Variants in ERC1 observed in about 807,000 individuals in gnomAD.
ERC1 encodes ELKS/RAB6-interacting/CAST family member 1, also known as RAB6 interacting protein 2.
Under a neutral mutation model 132.0 loss-of-function variants are expected in ERC1, and 56 were observed. The ratio of observed to expected loss-of-function variants is 0.42; its 90% CI spans 0.34 to 0.53. The LOEUF (loss-of-function observed/expected upper bound fraction) is 0.53, where lower values mean the gene tolerates loss of function less well. Ranked by LOEUF, ERC1 falls within the 20% of genes least tolerant of loss-of-function variation. ERC1 has a pLI of 0.03. For missense variants in ERC1, 1,202 were observed against 1,349.9 expected (o/e 0.89, Z 1.72); for synonymous variants, 478 against 476.1 (o/e 1.00, Z -0.05).
chr12:1,207,800 A>G (rs2039310690), intron 12 of ERC1, among the ~76,000 whole-genome samples: 1 of 152,242 alleles, frequency 6.6e-6, no homozygotes, highest in South Asian at 2.1e-4. Context: ...TGGCAAATTC[A>G]ACAGAGAAGG....
In ERC1 at chr12:1,494,337, G is replaced by C. The variant is rs1371839573; in HGVS notation, c.*4107G>C. On this transcript the variant is annotated 3_prime_UTR_variant, in exon 19 of 19. Transcript: ENST00000360905. ...GGGGACGTGAACCACTCAAAGGAAT[G>C]TCTTAAAGAGGATCTGGAGTTTCCC... The C allele has an allele frequency of 4.3e-6, 1 of 231,450 alleles. No homozygotes were observed. The highest frequency in any genetic ancestry group is 2.2e-5 in the African/African-American group (1 of 45,214). 14.3% of individuals were successfully genotyped at this position (231,450 alleles called of 1,614,324 possible).
chr12:1,175,030 A>C (rs1953535468), intron 8 of ERC1, among the ~76,000 whole-genome samples: 1 of 152,272 alleles, frequency 6.6e-6, no homozygotes, highest in African/African-American at 2.4e-5. Context: ...TAGTTTATTA[A>C]GTATGCAATA....
At chr12:1,164,593 G>C (rs930315277) in intron 8 of ERC1, among the ~76,000 whole-genome samples, 4 of 152,144 alleles carry the variant, frequency 2.6e-5, no homozygotes, top group African/African-American at 9.7e-5. Context: ...GCCCACCTCA[G>C]CCTCCCAAAG....
intron 2 of ERC1, among the ~76,000 whole-genome samples, chr12:1,037,129 C>T (rs990309105): frequency 1.3e-5 from 2 of 152,106 alleles, no homozygotes; most frequent in Non-Finnish European, 2.9e-5. Context: ...AATAATTAAG[C>T]AGAGCTAATA....
chr12:1,409,262 G>C (rs2091700370), intron 17 of ERC1, among the ~76,000 whole-genome samples: 1 of 152,190 alleles, frequency 6.6e-6, no homozygotes, highest in Non-Finnish European at 1.5e-5. Flanking sequence ...AAAATGGAGA[G>C]CTATCTGCCT....
At chr12:1,056,353 T>C (rs1022577032) in intron 2 of ERC1, among the ~76,000 whole-genome samples, 1 of 151,938 alleles carries the variant, frequency 6.6e-6, no homozygotes, top group Non-Finnish European at 1.5e-5. Flanking sequence ...CATGGAAAAC[T>C]AGGACGCAGA....
chr12:1,463,731 G>C (rs934646337), intron 18 of ERC1, among the ~76,000 whole-genome samples: 8 of 150,576 alleles, frequency 5.3e-5, no homozygotes, highest in Non-Finnish European at 1.0e-4. Flanking sequence ...GTGTGTGTGT[G>C]TCTTGACAAA....
chr12:1,030,885 T>G (rs1967899151), intron 2 of ERC1, among the ~76,000 whole-genome samples: 2 of 152,234 alleles, frequency 1.3e-5, no homozygotes, highest in Non-Finnish European at 2.9e-5. Context: ...CAGTAGGCTA[T>G]ATCCTATATC....
intron 14 of ERC1, among the ~76,000 whole-genome samples, chr12:1,275,686 G>T (rs895421640): frequency 6.6e-6 from 1 of 152,104 alleles, no homozygotes; most frequent in Admixed American, 6.6e-5. Flanking sequence ...TTATCACGAG[G>T]ATCTTTAAGT....
At chr12:1,135,418 AAAG>A (rs1175171904) in intron 7 of ERC1, among the ~76,000 whole-genome samples, 8 of 152,156 alleles carry the variant, frequency 5.3e-5, no homozygotes, top group African/African-American at 1.9e-4. Flanking sequence ...ATGAATTTGA[AAAG>A]AAGTTTGTTG....
chr12:1,222,225 T>TG (rs112132035), intron 12 of ERC1, among the ~76,000 whole-genome samples: 1 of 50,626 alleles, frequency 2.0e-5, no homozygotes. Context: ...ACATATTCTC[T>TG]TTTTTTTTTT....
intron 7 of ERC1, among the ~76,000 whole-genome samples, chr12:1,139,873 A>G (rs996365266): frequency 2.0e-4 from 31 of 152,290 alleles, no homozygotes; most frequent in South Asian, 4.1e-4. Flanking sequence ...TAGGAGGAAG[A>G]AAAGAACAGT....
chr12:1,062,225 T>C lies in ERC1; in HGVS notation c.670-20939T>C, dbSNP rs540604602. ...GTCTTGATCTCCAGACCTCGTGATC[T>C]GCCCGCCTCGGCCCCCGAAGTGCTG... On this transcript the variant is annotated intron_variant, in intron 2 of 18. Coordinates refer to ENST00000360905, the MANE Select transcript of ERC1 (RefSeq NM_178040.4). Among the ~76,000 whole-genome samples the C allele has an allele frequency of 5.0e-3, 760 of 152,206 alleles. 10 individuals are homozygous for C. Among genetic ancestry groups the C allele is most frequent in the African/African-American group, 0.018 (732 of 41,546 alleles).
intron 15 of ERC1, among the ~76,000 whole-genome samples, chr12:1,312,638 C>T (rs1213728679): frequency 3.3e-5 from 5 of 152,154 alleles, no homozygotes; most frequent in Non-Finnish European, 5.9e-5. Context: ...GTATCACAGG[C>T]GTGAACCACC....
chr12:1,386,651 C>CACAAAAAA (rs550525000), intron 16 of ERC1: 1 of 75,740 alleles, frequency 1.3e-5, no homozygotes, highest in Non-Finnish European at 2.3e-5. Context: ...GACTTCGTCT[C>CACAAAAAA]AAAAAAAAAA....
chr12:1,428,553 C>A (rs549119555), intron 17 of ERC1, among the ~76,000 whole-genome samples: 35 of 152,178 alleles, frequency 2.3e-4, no homozygotes, highest in Admixed American at 5.9e-4. Flanking sequence ...ACGACTTGAC[C>A]TTTTTTTAAT....
intron 13 of ERC1, among the ~76,000 whole-genome samples, chr12:1,243,419 G>A (rs2075961625): frequency 6.6e-6 from 1 of 151,958 alleles, no homozygotes; most frequent in Non-Finnish European, 1.5e-5. Flanking sequence ...ATGTAGGGAT[G>A]TAATGAAACG....
chr12:1,241,847 C>CTTTTTT (rs57016547), intron 13 of ERC1, among the ~76,000 whole-genome samples: 1,242 of 80,514 alleles, frequency 0.015, 30 homozygotes, highest in East Asian at 0.024. Flanking sequence ...TCTTCTTCTT[C>CTTTTTT]TTTTTTTTTT....
intron 17 of ERC1, among the ~76,000 whole-genome samples, chr12:1,420,490 C>G (rs2092380663): frequency 6.6e-6 from 1 of 152,024 alleles, no homozygotes; most frequent in African/African-American, 2.4e-5. Flanking sequence ...GAGTCTCGCT[C>G]TGTCACCCAG....
Sources: gnomAD v4.1 joint callset for allele counts (sites outside exome capture counted in the v4.1 genomes callset) on GRCh38, gnomAD v4.1.1 for gene constraint, MANE v1.5 for transcripts, NCBI Gene and HGNC (gene_info 2026-07-23, HGNC 2026-07-21) for gene names.